Variants in KAZN observed in about 807,000 individuals in gnomAD.
KAZN encodes kazrin, periplakin interacting protein, also known as kazrin.
In KAZN, 40 loss-of-function variants were observed where a neutral mutation model predicts 87.4. That is an observed-to-expected ratio of 0.46 (90% CI 0.36 to 0.60). The LOEUF (loss-of-function observed/expected upper bound fraction) is 0.60, where lower values mean the gene tolerates loss of function less well. Ranked by LOEUF, KAZN falls within the 20% of genes least tolerant of loss-of-function variation. KAZN has a pLI of 0.00. For synonymous variants in KAZN, 466 were observed against 458.3 expected (o/e 1.02, Z -0.22); for missense variants, 898 against 1,073.9 (o/e 0.84, Z 2.29).
chr1:15,111,005 C>T (rs1372520643), intron 13 of KAZN, among the ~76,000 whole-genome samples: 1 of 152,214 alleles, frequency 6.6e-6, no homozygotes, highest in Admixed American at 6.5e-5. Flanking sequence ...AGCTGCTTCC[C>T]CACTGGACCT....
chr1:14,852,296 G>C (rs921424685), intron 1 of KAZN, among the ~76,000 whole-genome samples: 9 of 152,246 alleles, frequency 5.9e-5, no homozygotes, highest in Admixed American at 5.2e-4. Context: ...GGCCCTGAGA[G>C]ATGGGCTGAG....
intron 2 of KAZN, among the ~76,000 whole-genome samples, chr1:14,294,246 A>G (rs1653942982): frequency 6.6e-6 from 1 of 152,134 alleles, no homozygotes; most frequent in South Asian, 2.1e-4. Context: ...CCAAAACAGA[A>G]GCAACCACAC....
At chr1:14,025,020 T>G (rs142697394) in intron 1 of KAZN, among the ~76,000 whole-genome samples, 18 of 152,348 alleles carry the variant, frequency 1.2e-4, no homozygotes, top group Middle Eastern at 3.4e-3. Context: ...TCAAAGCACA[T>G]CTTTTTTGTC....
chr1:14,330,094 C>A (rs533101252), intron 2 of KAZN, among the ~76,000 whole-genome samples: 2 of 152,256 alleles, frequency 1.3e-5, no homozygotes, highest in South Asian at 4.1e-4. Flanking sequence ...GTTAGAGTAG[C>A]ACTTCTGCAG....
intron 2 of KAZN, among the ~76,000 whole-genome samples, chr1:14,505,423 T>C (rs10754859): frequency 0.81 from 122,657 of 152,156 alleles, 49,710 homozygotes; most frequent in South Asian, 0.84. Context: ...CACAATTGTG[T>C]GGCAATAATT....
At chr1:14,387,170 C>T (rs1294649947) in intron 2 of KAZN, among the ~76,000 whole-genome samples, 1 of 152,140 alleles carries the variant, frequency 6.6e-6, no homozygotes, top group Non-Finnish European at 1.5e-5. Context: ...CCATCAGCTC[C>T]TTTAAGCACT....
chr1:14,552,394 C>T (rs1021345258), intron 2 of KAZN, among the ~76,000 whole-genome samples: 1 of 152,236 alleles, frequency 6.6e-6, no homozygotes, highest in African/African-American at 2.4e-5. Flanking sequence ...AGCTGCCTCC[C>T]AGGCCCAGAT....
At chr1:14,109,818 T>TTTTTTTTTGAGATGGAGTCTCG (rs1427458889) in intron 1 of KAZN, among the ~76,000 whole-genome samples, 116 of 150,604 alleles carry the variant, frequency 7.7e-4, no homozygotes, top group Middle Eastern at 3.4e-3. Context: ...CAAAACGATT[T>TTTTTTTTTGAGATGGAGTCTCG]CAGCGTCAAG....
At chr1:14,181,567 C>G (rs556200542) in intron 2 of KAZN, among the ~76,000 whole-genome samples, 1 of 152,266 alleles carries the variant, frequency 6.6e-6, no homozygotes, top group African/African-American at 2.4e-5. Flanking sequence ...CTGTCAATGC[C>G]TGAAGCCGCC....
chr1:13,972,129 G>T (rs935701933), intron 1 of KAZN, among the ~76,000 whole-genome samples: 1 of 152,160 alleles, frequency 6.6e-6, no homozygotes, highest in Admixed American at 6.5e-5. Context: ...AGTGGAAAAG[G>T]CATGTGCAAA....
At chr1:14,153,125 C>T (rs979415672) in intron 1 of KAZN, among the ~76,000 whole-genome samples, 2 of 152,072 alleles carry the variant, frequency 1.3e-5, no homozygotes, top group Admixed American at 6.6e-5. Flanking sequence ...TTGTAAATAT[C>T]GTCTCCCAAT....
intron 1 of KAZN, among the ~76,000 whole-genome samples, chr1:14,016,738 A>G (rs958478381): frequency 6.6e-6 from 1 of 152,148 alleles, no homozygotes; most frequent in Non-Finnish European, 1.5e-5. Flanking sequence ...TTAGCTTCTC[A>G]AGAGCTGGTG....
chr1:14,228,167 A>G lies in KAZN; in HGVS notation c.249+47575A>G, dbSNP rs866318281. On this transcript the variant is annotated intron_variant, in intron 2 of 16. Coordinates refer to the KAZN transcript ENST00000636203. Reference sequence around the variant, plus strand: ...AGTTCTGACAATGATAGTGATGATGATGATGTTGTTGATATTGGTAATGAT... The same window carrying G: ...AGTTCTGACAATGATAGTGATGATGGTGATGTTGTTGATATTGGTAATGAT... 3.3e-5 allele frequency among the ~76,000 whole-genome samples: 5 copies of G among 152,246 alleles called. 1 individual carries two copies. In the South Asian group the frequency reaches 1.0e-3, roughly 32 times the overall value.
rs766440459 is a variant in KAZN, at chr1:15,094,146, G to T, written c.1223-34G>T. The T allele has an allele frequency of 1.1e-5, 17 of 1,598,436 alleles. No individual in the cohort carries two copies. Among genetic ancestry groups the T allele is most frequent in the Non-Finnish European group, 1.3e-5 (15 of 1,171,366 alleles). On this transcript the variant is annotated intron_variant, in intron 8 of 14. Coordinates refer to ENST00000376030, the MANE Select transcript of KAZN (RefSeq NM_201628.3). This position sits in a 1 kb window ranked among gnomAD's most constrained non-coding sequence, Gnocchi z 4.5. ...CCCAGCCCCTGCCCCCAGCAGCCTC[G>T]TCCCCCAGCATGGCCTGCACTTGTG...
intron 2 of KAZN, among the ~76,000 whole-genome samples, chr1:14,520,117 C>G (rs1194600599): frequency 6.6e-6 from 1 of 152,148 alleles, no homozygotes; most frequent in Non-Finnish European, 1.5e-5. Flanking sequence ...GAGAGATCTT[C>G]AGGAAATGAG....
intron 1 of KAZN, among the ~76,000 whole-genome samples, chr1:14,122,374 T>C (rs190245903): frequency 1.1e-4 from 16 of 152,286 alleles, no homozygotes; most frequent in Non-Finnish European, 4.4e-5. Context: ...CTCTTCTGCC[T>C]GGAGCCACTT....
intron 13 of KAZN, among the ~76,000 whole-genome samples, chr1:15,109,959 A>G (rs797013440): frequency 1.2e-4 from 6 of 50,914 alleles, no homozygotes; most frequent in African/African-American, 4.2e-4. Flanking sequence ...ATGTGTTTGT[A>G]TATGTGTGTT....
At chr1:14,934,994 G>A (rs1227247952) in intron 1 of KAZN, among the ~76,000 whole-genome samples, 3 of 152,188 alleles carry the variant, frequency 2.0e-5, no homozygotes, top group South Asian at 2.1e-4. Context: ...TGGCATTCCC[G>A]TAAACCTCCC....
At chr1:14,566,365 A>C (rs1332527556) in intron 2 of KAZN, among the ~76,000 whole-genome samples, 3 of 152,178 alleles carry the variant, frequency 2.0e-5, no homozygotes, top group Non-Finnish European at 4.4e-5. Flanking sequence ...CTGTATACAG[A>C]TATGCTGTCA....
Sources: gnomAD v4.1 joint callset for allele counts (sites outside exome capture counted in the v4.1 genomes callset) on GRCh38, gnomAD v4.1.1 for gene constraint, Gnocchi (gnomAD v3.1) non-coding constraint, MANE v1.5 for transcripts, NCBI Gene and HGNC (gene_info 2026-07-23, HGNC 2026-07-21) for gene names.